Variants in KIAA1549 observed in about 807,000 individuals in gnomAD.
KIAA1549 encodes UPF0606 protein KIAA1549.
A neutral mutation model predicts 156.4 loss-of-function variants in KIAA1549; 70 were observed. The ratio of observed to expected loss-of-function variants is 0.45; its 90% CI spans 0.37 to 0.55. The LOEUF (loss-of-function observed/expected upper bound fraction) is 0.55, where lower values mean the gene tolerates loss of function less well. KIAA1549 is among the 20% of genes least tolerant of loss of function. The pLI, the probability that KIAA1549 is intolerant of heterozygous loss-of-function variation, is 0.00. For synonymous variants in KIAA1549, 1,103 were observed against 1,066.4 expected, an observed-to-expected ratio of 1.03 and a Z score of -0.67; for missense variants, 2,428 against 2,540.9, an observed-to-expected ratio of 0.96 and a Z score of 0.96.
At chr7:138,870,193 T>C (rs1353506353) in intron 13 of KIAA1549, among the ~76,000 whole-genome samples, 1 of 151,848 alleles carries the variant, frequency 6.6e-6, no homozygotes, top group African/African-American at 2.4e-5. Flanking sequence ...GCTCCTCTCC[T>C]CTGGCCCACA....
At chr7:138,889,742 T>C (rs1443135840) in intron 10 of KIAA1549, among the ~76,000 whole-genome samples, 1 of 152,246 alleles carries the variant, frequency 6.6e-6, no homozygotes, top group African/African-American at 2.4e-5. Context: ...GAGTGAGTCA[T>C]CACCTTCTAT....
chr7:138,931,165 T>C (rs118155097), intron 1 of KIAA1549, among the ~76,000 whole-genome samples: 178 of 152,208 alleles, frequency 1.2e-3, no homozygotes, highest in Non-Finnish European at 1.9e-3. Context: ...CAAATTACAA[T>C]AGTGACATCA....
At chr7:138,948,058 C>T (rs1010936897) in intron 1 of KIAA1549, among the ~76,000 whole-genome samples, 1 of 152,136 alleles carries the variant, frequency 6.6e-6, no homozygotes, top group Non-Finnish European at 1.5e-5. Flanking sequence ...CCACTGCACC[C>T]GGCCTCAGGG....
At chr7:138,861,985 C>T (rs969061590) in intron 15 of KIAA1549, among the ~76,000 whole-genome samples, 1 of 152,030 alleles carries the variant, frequency 6.6e-6, no homozygotes, top group African/African-American at 2.4e-5. Flanking sequence ...TTCAGCAACA[C>T]TCAACTATTT....
In KIAA1549 at chr7:138,869,834, G is replaced by A. The variant is rs183054145; in HGVS notation, c.4552-73C>T. ...GCTTCTGGGACACACACTTCGCAAA[G>A]TCTTTATTTATTTTTATGTTTATTT... On this transcript the variant is annotated intron_variant, in intron 13 of 19. Coordinates refer to ENST00000422774, the MANE Select transcript of KIAA1549 (RefSeq NM_001164665.2). 5.2e-5 allele frequency: 52 copies of A among 1,001,186 alleles called. No homozygotes were observed. In the African/African-American group the frequency reaches 6.2e-4, roughly 12 times the overall value. The allele number at this position is 1,001,186 out of a possible 1,614,324, so 62.0% of individuals were successfully genotyped here.
chr7:138,966,495 GTCCGAGTCCCA>G, intron 1 of KIAA1549, among the ~76,000 whole-genome samples: 1 of 152,080 alleles, frequency 6.6e-6, no homozygotes, highest in Non-Finnish European at 1.5e-5. Flanking sequence ...AAGGAAGCCA[GTCCGAGTCCCA>G]AATCTGAAGA....
chr7:138,866,970 T>C (rs574164968), intron 15 of KIAA1549, among the ~76,000 whole-genome samples: 3 of 151,858 alleles, frequency 2.0e-5, no homozygotes, highest in Non-Finnish European at 4.4e-5. Flanking sequence ...GCCTGGCTAA[T>C]TTCTGTATTT....
chr7:138,862,241 T>A (rs926205423), intron 15 of KIAA1549, among the ~76,000 whole-genome samples: 4 of 152,086 alleles, frequency 2.6e-5, no homozygotes, highest in African/African-American at 9.7e-5. Context: ...ACACCTGTAA[T>A]CCCAGCAACT....
intron 2 of KIAA1549, among the ~76,000 whole-genome samples, chr7:138,916,046 T>C (rs1045229382): frequency 6.6e-6 from 1 of 152,226 alleles, no homozygotes; most frequent in African/African-American, 2.4e-5. Flanking sequence ...AGGCTGATAC[T>C]GGATTCAGAG....
At chr7:138,878,001 C>A (rs1297252498) in intron 12 of KIAA1549, among the ~76,000 whole-genome samples, 1 of 152,204 alleles carries the variant, frequency 6.6e-6, no homozygotes, top group Non-Finnish European at 1.5e-5. Context: ...CCACGCCCCC[C>A]CAAATATTTC....
intron 5 of KIAA1549, 22 bp downstream of exon 5, chr7:138,908,969 C>A: frequency 6.2e-7 from 1 of 1,613,600 alleles, no homozygotes; most frequent in South Asian, 1.1e-5. Context: ...GCCTTCTGCT[C>A]TGCATTCAGT....
At chr7:138,972,907 C>T (rs1046415504) in intron 1 of KIAA1549, among the ~76,000 whole-genome samples, 4 of 152,048 alleles carry the variant, frequency 2.6e-5, no homozygotes, top group Non-Finnish European at 5.9e-5. Flanking sequence ...CTGTAACATC[C>T]GCCTCCCAGA....
chr7:138,917,960 C>T lies in KIAA1549; in HGVS notation c.1666G>A (p.Ala556Thr). 6.3e-7 allele frequency: 1 copy of T among 1,592,056 alleles called. No individual in the cohort carries two copies. Among genetic ancestry groups the T allele is most frequent in the South Asian group, 1.1e-5 (1 of 87,746 alleles). Residue 556 changes from alanine (A) to threonine (T), a missense_variant, in exon 2 of 20, where the codon GCA becomes ACA. By Grantham distance (58) the Ala-to-Thr change is moderately conservative. Transcript: ENST00000422774. ...ATGCTGGTGATGACCGAGAAAAATG[C>T]AGTGGTCACGCTGGATGGCGTCACT... is the stretch of plus-strand genomic sequence containing the variant. ...TQVTPSSVTT[A>T]FFSVITSILL...
intron 1 of KIAA1549, among the ~76,000 whole-genome samples, chr7:138,953,212 C>T (rs1186102036): frequency 6.6e-6 from 1 of 152,050 alleles, no homozygotes; most frequent in Non-Finnish European, 1.5e-5. Flanking sequence ...AAAAATTAGC[C>T]AGGCATGGTG....
At chr7:138,967,317 CG>C (rs1261959210) in intron 1 of KIAA1549, among the ~76,000 whole-genome samples, 2 of 152,062 alleles carry the variant, frequency 1.3e-5, no homozygotes, top group Non-Finnish European at 2.9e-5. Context: ...ATTACGGAGG[CG>C]GTTGCTAATT....
Position 138,894,540 on chromosome 7 carries a change from A to T in KIAA1549, c.3848-14T>A, listed in dbSNP as rs372708101. 55 of 1,613,324 alleles carry T rather than the reference A, an allele frequency of 3.4e-5. No homozygotes were observed. Among genetic ancestry groups the T allele is most frequent in the Non-Finnish European group, 4.5e-5 (53 of 1,179,442 alleles). On this transcript the variant is annotated splice_polypyrimidine_tract_variant and intron_variant, in intron 9 of 19. Coordinates refer to ENST00000422774, the MANE Select transcript of KIAA1549 (RefSeq NM_001164665.2). ...CCCTGTCGACAGCTGCAGACAAGGA[A>T]GAAAGGTCTTTCAATAATTCCTTCT...
At position 138,919,247 on chromosome 7, in the gene KIAA1549, T is replaced by C; in HGVS notation, c.379A>G (p.Lys127Glu). ...TFDTAFFNQG[K>E]QTKSTADPSI... is the part of the protein sequence containing the mutation. ...GGATCTGCTGTACTTTTGGTCTGTT[T>C]TCCTTGGTTAAAAAAGGCTGTATCA... Residue 127 changes from lysine (K) to glutamate (E), a missense_variant, in exon 2 of 20, where the codon AAA (lysine) becomes GAA (glutamate). Coordinates refer to ENST00000422774, the MANE Select transcript of KIAA1549 (RefSeq NM_001164665.2). The C allele has an allele frequency of 6.2e-7, 1 of 1,614,016 alleles. No individual in the cohort carries two copies. Among genetic ancestry groups the C allele is most frequent in the Non-Finnish European group, 8.5e-7 (1 of 1,179,890 alleles).
chr7:138,916,827 G>T lies in KIAA1549; in HGVS notation c.2799C>A (p.Val933=). Residue 933 remains valine (V), a synonymous_variant, in exon 2 of 20, where the codon GTC becomes GTA. Coordinates refer to ENST00000422774, the MANE Select transcript of KIAA1549 (RefSeq NM_001164665.2). ...PVTAFTLEAT[V]DTPTLATAKP... is the part of the protein sequence containing the mutation. ...TGGCAGTAGCCAGTGTTGGTGTGTC[G>T]ACTGTTGCTTCGAGAGTGAAGGCAG... 1 of 1,613,916 alleles carries T rather than the reference G, an allele frequency of 6.2e-7. No individual in the cohort carries two copies. Among genetic ancestry groups the T allele is most frequent in the Non-Finnish European group, 8.5e-7 (1 of 1,179,878 alleles).
chr7:138,868,476 G>A (rs1056240848), intron 14 of KIAA1549, among the ~76,000 whole-genome samples: 1 of 152,176 alleles, frequency 6.6e-6, no homozygotes, highest in Admixed American at 6.5e-5. Context: ...CGCCCAGGGT[G>A]GAGTGCAATG....
Sources: allele counts gnomAD v4.1 joint callset (sites outside exome capture counted in the v4.1 genomes callset), GRCh38; gene constraint gnomAD v4.1.1; transcripts MANE v1.5; gene names NCBI Gene and HGNC (gene_info 2026-07-23, HGNC 2026-07-21).